The following WNT4 variants were observed in gnomAD, a reference collection of about 807,000 sequenced individuals.
WNT4 encodes the protein protein Wnt-4.
In WNT4, 16 loss-of-function variants were observed where a neutral mutation model predicts 34.5. That is an observed-to-expected ratio of 0.46 (90% CI 0.31 to 0.70). The LOEUF is 0.70. Ranked by LOEUF, WNT4 falls within the 30% of genes least tolerant of loss-of-function variation. The probability of loss-of-function intolerance (pLI) is 0.04; values close to 1 mark genes in which losing one functional copy is unlikely to be tolerated. For synonymous variants in WNT4, 200 were observed against 211.9 expected, an observed-to-expected ratio of 0.94 and a Z score of 0.49; for missense variants, 379 against 495.9, an observed-to-expected ratio of 0.76 and a Z score of 2.24.
intron 1 of WNT4, among the ~76,000 whole-genome samples, chr1:22,131,903 C>T (rs1411955867): frequency 3.3e-5 from 5 of 152,296 alleles, no homozygotes; most frequent in South Asian, 4.1e-4. Context: ...GGCAGGAGCT[C>T]GGAGCCCCTT....
chr1:22,127,165 T>C (rs1393152882), intron 2 of WNT4: 2 of 408,800 alleles, frequency 4.9e-6, no homozygotes, highest in Admixed American at 5.3e-5. Flanking sequence ...ACTGGCTTAG[T>C]CTCGGCACCT....
At chr1:22,138,450 T>C (rs909817) in intron 1 of WNT4, among the ~76,000 whole-genome samples, 1 of 152,060 alleles carries the variant, frequency 6.6e-6, no homozygotes, top group Non-Finnish European at 1.5e-5. Flanking sequence ...ATTTTGTCCT[T>C]TCGCTTGGGG....
At position 22,121,411 on chromosome 1, in the gene WNT4, CT is replaced by C. The variant is rs373029176; in HGVS notation, c.445+33del. 2.5e-6 allele frequency: 4 copies of C among 1,613,858 alleles called. No homozygotes were observed. In the African/African-American group the frequency reaches 4.0e-5, roughly 16 times the overall value. Reference sequence around the variant, plus strand: ...TGAGTGAGGGCCAGGGCCAAGCCCCCTGCCCTCCCACTCTGACCACCTCCTG... The same window carrying C: ...TGAGTGAGGGCCAGGGCCAAGCCCCCGCCCTCCCACTCTGACCACCTCCTG... On this transcript the variant is annotated intron_variant, in intron 3 of 4. Transcript: ENST00000290167.
chr1:22,138,666 A>G (rs1031058267), intron 1 of WNT4, among the ~76,000 whole-genome samples: 2 of 152,040 alleles, frequency 1.3e-5, no homozygotes, highest in African/African-American at 4.8e-5. Flanking sequence ...CTCTAAGGAG[A>G]CGGATTTTTG....
Position 22,134,285 on chromosome 1 carries a change from T to G in WNT4, c.78-4434A>C, listed in dbSNP as rs1413409332. Among the ~76,000 whole-genome samples, 1 of 151,892 alleles carries G rather than the reference T, an allele frequency of 6.6e-6. No homozygotes were observed. Among genetic ancestry groups the G allele is most frequent in the Non-Finnish European group, 1.5e-5 (1 of 67,948 alleles). On this transcript the variant is annotated intron_variant, in intron 1 of 4. Coordinates refer to ENST00000290167, the MANE Select transcript of WNT4 (RefSeq NM_030761.5). The surrounding 1 kb of genome is among the most constrained non-coding windows in gnomAD (Gnocchi z 4.1). Reference sequence around the variant, plus strand: ...GAGGGGGAGCCGGAAGAAAACGGAGTGGCTGCTGAACAGAGCTGCCTTGGG... The same window carrying G: ...GAGGGGGAGCCGGAAGAAAACGGAGGGGCTGCTGAACAGAGCTGCCTTGGG...
At chr1:22,130,390 G>A (rs1645974084) in intron 1 of WNT4, among the ~76,000 whole-genome samples, 1 of 152,242 alleles carries the variant, frequency 6.6e-6, no homozygotes, top group Non-Finnish European at 1.5e-5. Context: ...GCCACCCTTT[G>A]GAGGTGGGAC....
At chr1:22,127,571 C>T (rs1268503484) in intron 2 of WNT4, 21 of 443,864 alleles carry the variant, frequency 4.7e-5, no homozygotes, top group Admixed American at 3.2e-4. Flanking sequence ...TGAGGAGATA[C>T]GCATTTCAAT....
intron 1 of WNT4, among the ~76,000 whole-genome samples, chr1:22,132,040 C>CT (rs748273324): frequency 6.6e-6 from 1 of 152,236 alleles, no homozygotes; most frequent in East Asian, 1.9e-4. Flanking sequence ...AAGGGGTCGC[C>CT]TGTGGAGCCA....
chr1:22,137,296 C>T lies in WNT4; in HGVS notation c.77+5550G>A, dbSNP rs1420364068. 1.3e-5 allele frequency among the ~76,000 whole-genome samples: 2 copies of T among 152,168 alleles called. No individual in the cohort carries two copies. Among genetic ancestry groups the T allele is most frequent in the African/African-American group, 4.8e-5 (2 of 41,434 alleles). The stretch of plus-strand genomic sequence containing the variant: ...CGAGCCGTCCCGAGTTTGGCTGAAT[C>T]ACAGAAGATGCAGTTCAGGACTCAG... On this transcript the variant is annotated intron_variant, in intron 1 of 4. Transcript: ENST00000290167. The surrounding 1 kb of genome is among the most constrained non-coding windows in gnomAD (Gnocchi z 5.3).
At chr1:22,131,764 C>T (rs148615146) in intron 1 of WNT4, among the ~76,000 whole-genome samples, 26 of 152,286 alleles carry the variant, frequency 1.7e-4, no homozygotes, top group African/African-American at 5.8e-4. Flanking sequence ...GGTCTCAGGC[C>T]GAAGAAGGCC....
intron 2 of WNT4, among the ~76,000 whole-genome samples, chr1:22,122,924 C>T (rs1398372933): frequency 6.6e-6 from 1 of 152,246 alleles, no homozygotes; most frequent in Admixed American, 6.5e-5. Flanking sequence ...CCACTCTCCA[C>T]TGCCCACTCT....
In WNT4 at chr1:22,129,732, G is replaced by A. The variant is rs981888895; in HGVS notation, c.197C>T (p.Ser66Leu). 3 of 1,614,002 alleles carry A rather than the reference G, an allele frequency of 1.9e-6. No homozygotes were observed. Among genetic ancestry groups the A allele is most frequent in the Middle Eastern group, 1.6e-4 (1 of 6,062 alleles). Residue 66 changes from serine (S) to leucine (L), a missense_variant, in exon 2 of 5, where the codon TCG becomes TTG. Physicochemically the swap from Ser to Leu is moderately radical, Grantham distance 145 (BLOSUM62 -2). Transcript: ENST00000290167. ...MCKRNLEVMD[S>L]VRRGAQLAIE... ...GGCCAGCTGGGCACCGCGGCGCACC[G>A]AGTCCATGACTTCCAGGTTCCGCTT...
chr1:22,129,468 A>T (rs1470794395), intron 2 of WNT4, 148 bp downstream of exon 2: 2 of 994,980 alleles, frequency 2.0e-6, no homozygotes, highest in Non-Finnish European at 3.0e-6. Context: ...AACGCTCTGC[A>T]TCCTTTATGC....
rs765500702 is a variant in WNT4 at position 22,121,435 on chromosome 1, C to T, written c.445+10G>A. The T allele has an allele frequency of 4.3e-6, 7 of 1,613,872 alleles. No homozygotes were observed. In the East Asian group the frequency reaches 6.7e-5, roughly 15 times the overall value. On this transcript the variant is annotated intron_variant, in intron 3 of 4. Coordinates refer to ENST00000290167, the MANE Select transcript of WNT4 (RefSeq NM_030761.5). ...CCTGCCCTCCCACTCTGACCACCTCCTGCACCTACCCTGTGGGCTGACCCC... is the reference window on the plus strand; with the variant it reads ...CCTGCCCTCCCACTCTGACCACCTCTTGCACCTACCCTGTGGGCTGACCCC...
chr1:22,135,359 G>A (rs572001687), intron 1 of WNT4, among the ~76,000 whole-genome samples: 8 of 152,230 alleles, frequency 5.3e-5, no homozygotes, highest in Non-Finnish European at 1.5e-5. Context: ...ATGTGTTTGA[G>A]CCCATGCAGC....
At chr1:22,126,444 A>G (rs1358848474) in intron 2 of WNT4, among the ~76,000 whole-genome samples, 1 of 152,222 alleles carries the variant, frequency 6.6e-6, no homozygotes, top group Non-Finnish European at 1.5e-5. Flanking sequence ...AAGAGTTGGC[A>G]GGCCCAGGGC....
At chr1:22,138,322 G>A (rs1056530573) in intron 1 of WNT4, among the ~76,000 whole-genome samples, 2 of 152,142 alleles carry the variant, frequency 1.3e-5, no homozygotes, top group Non-Finnish European at 2.9e-5. Context: ...GGTGAGGCAT[G>A]GAGGGGATGG....
At position 22,134,725 on chromosome 1, in the gene WNT4, C is replaced by A. The variant is rs762439130; in HGVS notation, c.78-4874G>T. On this transcript the variant is annotated intron_variant, in intron 1 of 4. Transcript: ENST00000290167. This position sits in a 1 kb window ranked among gnomAD's most constrained non-coding sequence, Gnocchi z 4.1. ...CTGCTGCAGCATTGTCCTAGCAGCA[C>A]CTTCAAGATGCTCACTGTCATCGGT... Among the ~76,000 whole-genome samples the A allele has an allele frequency of 6.6e-6, 1 of 152,178 alleles. No individual in the cohort carries two copies. Among genetic ancestry groups the A allele is most frequent in the African/African-American group, 2.4e-5 (1 of 41,444 alleles).
rs1301251364 is a variant in WNT4 at position 22,121,546 on chromosome 1, A to G, written c.344T>C (p.Ile115Thr). The change falls in exon 3 of 5, where the codon ATC (isoleucine) becomes ACC (threonine). Residue 115 changes from isoleucine (I) to threonine (T), a missense_variant. Physicochemically the swap from Ile to Thr is moderately conservative, Grantham distance 89. Coordinates refer to ENST00000290167, the MANE Select transcript of WNT4 (RefSeq NM_030761.5). ...TGCAAAGGCCACACCTGCCGAAGAG[A>G]TGGCGTACACGAAGGCCGCCTCCCG... is the stretch of plus-strand genomic sequence containing the variant. ...GTREAAFVYAISSAGVAFAVT... is the reference protein window; with the variant it reads ...GTREAAFVYATSSAGVAFAVT... 3 of 1,613,844 alleles carry G rather than the reference A, an allele frequency of 1.9e-6. No homozygotes were observed. The highest frequency in any genetic ancestry group is 2.5e-6 in the Non-Finnish European group (3 of 1,180,026).
Sources: allele counts gnomAD v4.1 joint callset (sites outside exome capture counted in the v4.1 genomes callset), GRCh38; gene constraint gnomAD v4.1.1; non-coding constraint Gnocchi (gnomAD v3.1); transcripts MANE v1.5; gene names NCBI Gene and HGNC (gene_info 2026-07-23, HGNC 2026-07-21).